Variants in CTNNA3 observed in about 807,000 individuals in gnomAD.
CTNNA3 encodes the protein catenin alpha-3.
A neutral mutation model predicts 95.7 loss-of-function variants in CTNNA3; 76 were observed. The observed-to-expected ratio is 0.79, with a 90% confidence interval of 0.66 to 0.96. The LOEUF (loss-of-function observed/expected upper bound fraction) is 0.96, where lower values mean the gene tolerates loss of function less well. Among genes scored for constraint, CTNNA3 ranks in the 40% least tolerant of loss-of-function variants. CTNNA3 has a pLI of 0.00. For missense variants in CTNNA3, 1,191 were observed against 1,089.8 expected (o/e 1.09, Z -1.31); for synonymous variants, 431 against 374.4 (o/e 1.15, Z -1.74).
chr10:66,312,701 C>A (rs1383895672), intron 12 of CTNNA3, among the ~76,000 whole-genome samples: 1 of 152,062 alleles, frequency 6.6e-6, no homozygotes. Context: ...CATGCATCAT[C>A]AGGCCCGGAT....
At chr10:67,715,134 A>G (rs1841135275) in intron 1 of CTNNA3, among the ~76,000 whole-genome samples, 1 of 152,230 alleles carries the variant, frequency 6.6e-6, no homozygotes, top group Non-Finnish European at 1.5e-5. Flanking sequence ...CACTTGGACA[A>G]TAGAAACTTG....
chr10:66,385,922 G>C (rs2092886657), intron 11 of CTNNA3, among the ~76,000 whole-genome samples: 1 of 152,204 alleles, frequency 6.6e-6, no homozygotes, highest in Non-Finnish European at 1.5e-5. Flanking sequence ...CAATAAACTA[G>C]GTATTGATGG....
intron 9 of CTNNA3, among the ~76,000 whole-genome samples, chr10:66,672,170 T>C (rs1191370834): frequency 6.6e-6 from 1 of 152,142 alleles, no homozygotes; most frequent in African/African-American, 2.4e-5. Flanking sequence ...ACTGGCTAGC[T>C]ATGTTTTCAC....
intron 5 of CTNNA3, among the ~76,000 whole-genome samples, chr10:67,224,458 T>A (rs557308882): frequency 5.3e-5 from 8 of 152,204 alleles, no homozygotes; most frequent in African/African-American, 1.9e-4. Context: ...GTAGAAGTTA[T>A]CCCTATGAGG....
intron 7 of CTNNA3, among the ~76,000 whole-genome samples, chr10:67,178,588 A>G (rs1037821289): frequency 1.3e-5 from 2 of 152,194 alleles, no homozygotes; most frequent in African/African-American, 4.8e-5. Context: ...AACCTTACCT[A>G]TGTATGTGGG....
Position 67,219,794 on chromosome 10 carries a change from T to A in CTNNA3, c.656A>T (p.His219Leu), listed in dbSNP as rs1399296498. 6.2e-7 allele frequency: 1 copy of A among 1,614,000 alleles called. No individual in the cohort carries two copies. Among genetic ancestry groups the A allele is most frequent in the Non-Finnish European group, 8.5e-7 (1 of 1,180,004 alleles). ...CTCCAAACAAGCTGAACAAATTGAA[T>A]GCAAGAGGGGAGAGTTCTCCTTCAG... Reference protein sequence around the residue: ...ASLKENSPLLHSICSACLEHS... With the variant: ...ASLKENSPLLLSICSACLEHS... The change falls in exon 6 of 18, where the codon CAT (histidine) becomes CTT (leucine). Residue 219 changes from histidine to leucine, a missense_variant. Physicochemically the swap from His to Leu is moderately conservative, Grantham distance 99 (BLOSUM62 -3). Coordinates refer to ENST00000433211, the MANE Select transcript of CTNNA3 (RefSeq NM_013266.4).
chr10:66,366,505 A>C (rs2092712156), intron 12 of CTNNA3, among the ~76,000 whole-genome samples: 1 of 152,128 alleles, frequency 6.6e-6, no homozygotes, highest in Non-Finnish European at 1.5e-5. Flanking sequence ...TTCTGCCTTC[A>C]TGAACAGTTA....
intron 5 of CTNNA3, among the ~76,000 whole-genome samples, chr10:67,311,414 A>T (rs1368669025): frequency 6.6e-6 from 1 of 152,180 alleles, no homozygotes; most frequent in Non-Finnish European, 1.5e-5. Context: ...AAAACCAAAT[A>T]CCTGAAAAAC....
At chr10:66,346,347 C>T (rs1303133103) in intron 12 of CTNNA3, among the ~76,000 whole-genome samples, 1 of 150,410 alleles carries the variant, frequency 6.6e-6, no homozygotes, top group Non-Finnish European at 1.5e-5. Context: ...GGCATGATCT[C>T]GGCTCACTGC....
intron 10 of CTNNA3, among the ~76,000 whole-genome samples, chr10:66,617,735 A>G (rs1230226584): frequency 1.3e-5 from 2 of 152,142 alleles, no homozygotes; most frequent in Non-Finnish European, 2.9e-5. Context: ...AGAAAGAAAT[A>G]AAGGGTATTC....
At chr10:66,669,931 A>C (rs956872422) in intron 9 of CTNNA3, among the ~76,000 whole-genome samples, 1 of 152,140 alleles carries the variant, frequency 6.6e-6, no homozygotes, top group African/African-American at 2.4e-5. Context: ...GAGGAGAGGA[A>C]GGGGGGATAA....
intron 6 of CTNNA3, among the ~76,000 whole-genome samples, chr10:67,197,673 C>T (rs1374030651): frequency 6.6e-6 from 1 of 152,046 alleles, no homozygotes; most frequent in East Asian, 1.9e-4. Flanking sequence ...GTATTCTGAA[C>T]ATTTTGAAAT....
chr10:67,304,785 A>T (rs949187790), intron 5 of CTNNA3, among the ~76,000 whole-genome samples: 1 of 151,994 alleles, frequency 6.6e-6, no homozygotes, highest in Non-Finnish European at 1.5e-5. Context: ...AGGTAGTTAT[A>T]GTTATTAGTA....
chr10:66,419,176 T>G (rs1456756587), intron 11 of CTNNA3, among the ~76,000 whole-genome samples: 1 of 152,068 alleles, frequency 6.6e-6, no homozygotes, highest in Non-Finnish European at 1.5e-5. Flanking sequence ...TCAGTTACAC[T>G]ACAGGATACA....
chr10:67,242,387 G>GA (rs1435043271), intron 5 of CTNNA3, among the ~76,000 whole-genome samples: 1 of 152,114 alleles, frequency 6.6e-6, no homozygotes, highest in East Asian at 1.9e-4. Context: ...TTTCCCACAG[G>GA]AAAAAAGTGT....
intron 5 of CTNNA3, among the ~76,000 whole-genome samples, chr10:67,469,560 G>A (rs1321163701): frequency 6.7e-6 from 1 of 148,786 alleles, no homozygotes; most frequent in African/African-American, 2.5e-5. Context: ...GTTAAACAAT[G>A]AGAACACATG....
At chr10:66,345,869 A>T (rs1034468168) in intron 12 of CTNNA3, among the ~76,000 whole-genome samples, 1 of 151,716 alleles carries the variant, frequency 6.6e-6, no homozygotes, top group Non-Finnish European at 1.5e-5. Flanking sequence ...TGAGGTCAGG[A>T]GTTTGAGACC....
chr10:66,487,989 G>C (rs904800050), intron 11 of CTNNA3, among the ~76,000 whole-genome samples: 3 of 152,118 alleles, frequency 2.0e-5, no homozygotes, highest in Admixed American at 2.0e-4. Flanking sequence ...TGTGTATATG[G>C]GTAGAAAATC....
chr10:66,766,126 T>A (rs1839839113), intron 9 of CTNNA3, 138 bp downstream of exon 9: 1 of 740,932 alleles, frequency 1.3e-6, no homozygotes, highest in African/African-American at 1.7e-5. Flanking sequence ...ATATACACCT[T>A]CATATTACTT....
Sources: gnomAD v4.1 joint callset for allele counts (sites outside exome capture counted in the v4.1 genomes callset) on GRCh38, gnomAD v4.1.1 for gene constraint, MANE v1.5 for transcripts, NCBI Gene and HGNC (gene_info 2026-07-23, HGNC 2026-07-21) for gene names.